The following GABBR2 variants were observed in gnomAD, a reference collection of about 807,000 sequenced individuals.
GABBR2 encodes the protein G-protein coupled receptor 51.
Under a neutral mutation model 105.6 loss-of-function variants are expected in GABBR2, and 23 were observed. The observed-to-expected ratio is 0.22, with a 90% CI of 0.16 to 0.31. GABBR2 has a LOEUF of 0.31. GABBR2 is among the 10% of genes least tolerant of loss of function. The pLI is 1.00. For missense variants in GABBR2, 734 were observed against 1,245.5 expected (o/e 0.59, Z 6.18); for synonymous variants, 478 against 499.7 (o/e 0.96, Z 0.58).
chr9:98,706,013 T>C (rs1830887208), intron 1 of GABBR2, among the ~76,000 whole-genome samples: 1 of 151,154 alleles, frequency 6.6e-6, no homozygotes, highest in South Asian at 2.1e-4. Context: ...GAGGTGGAGG[T>C]TGCGGTGAGC....
chr9:98,589,255 C>T (rs574297894), intron 1 of GABBR2, among the ~76,000 whole-genome samples: 1 of 152,320 alleles, frequency 6.6e-6, no homozygotes, highest in South Asian at 2.1e-4. Context: ...GTCAGACCCA[C>T]CGCACAGTCT....
At chr9:98,500,850 C>T (rs949173139) in intron 3 of GABBR2, among the ~76,000 whole-genome samples, 1 of 152,094 alleles carries the variant, frequency 6.6e-6, no homozygotes, top group Non-Finnish European at 1.5e-5. Context: ...TGAGAACTTG[C>T]TAAAAATGCA....
At chr9:98,397,665 G>A (rs1470936740) in intron 8 of GABBR2, among the ~76,000 whole-genome samples, 1 of 152,062 alleles carries the variant, frequency 6.6e-6, no homozygotes, top group East Asian at 1.9e-4. Flanking sequence ...CCTCCACTTG[G>A]GAGGTGGCTT....
At chr9:98,590,080 G>A (rs1177379462) in intron 1 of GABBR2, among the ~76,000 whole-genome samples, 1 of 152,134 alleles carries the variant, frequency 6.6e-6, no homozygotes, top group Non-Finnish European at 1.5e-5. Flanking sequence ...CAAAGAGTTT[G>A]GCCCCAAACA....
intron 2 of GABBR2, among the ~76,000 whole-genome samples, chr9:98,574,044 G>A (rs1588234507): frequency 6.6e-6 from 1 of 152,248 alleles, no homozygotes; most frequent in Non-Finnish European, 1.5e-5. Context: ...AAGGAGATCA[G>A]GGAAGGCATC....
At chr9:98,361,486 A>G (rs1588121889) in intron 13 of GABBR2, among the ~76,000 whole-genome samples, 2 of 152,132 alleles carry the variant, frequency 1.3e-5, no homozygotes, top group Admixed American at 1.3e-4. Context: ...TGGATTTCTA[A>G]ATTCTGGTGC....
At chr9:98,424,474 C>G (rs2131560024) in intron 7 of GABBR2, among the ~76,000 whole-genome samples, 1 of 152,282 alleles carries the variant, frequency 6.6e-6, no homozygotes, top group Admixed American at 6.5e-5. Context: ...GTTGGAAGTG[C>G]TGGCCAGGGC....
intron 3 of GABBR2, among the ~76,000 whole-genome samples, chr9:98,536,972 C>T (rs991266095): frequency 6.6e-6 from 1 of 152,210 alleles, no homozygotes; most frequent in African/African-American, 2.4e-5. Context: ...AATGGGGCTA[C>T]TTTGAGCTCA....
rs866872635 is a variant in GABBR2, at chr9:98,706,116, A to C, written c.321+2301T>G. Among the ~76,000 whole-genome samples the C allele has an allele frequency of 7.3e-3, 1,061 of 145,980 alleles. 15 individuals are homozygous for C. Among genetic ancestry groups the C allele is most frequent in the African/African-American group, 0.025 (1,002 of 40,210 alleles). On this transcript the variant is annotated intron_variant, in intron 1 of 18. Coordinates refer to ENST00000259455, the MANE Select transcript of GABBR2 (RefSeq NM_005458.8). ...AAAACAAAACAAAAAAAACAAAAAA[A>C]AAAAAAAAAAGAAGGAGGAGGAGGA...
chr9:98,467,486 C>T (rs944058411), intron 6 of GABBR2, among the ~76,000 whole-genome samples: 2 of 152,158 alleles, frequency 1.3e-5, no homozygotes, highest in African/African-American at 2.4e-5. Context: ...GAGAGAGCAG[C>T]GCTGTGAAGC....
At position 98,698,836 on chromosome 9, in the gene GABBR2, C is replaced by A. The variant is rs539064977; in HGVS notation, c.321+9581G>T. 2.6e-5 allele frequency among the ~76,000 whole-genome samples: 4 copies of A among 152,210 alleles called. No individual in the cohort carries two copies. In the South Asian group the frequency reaches 8.3e-4, roughly 32 times the overall value. On this transcript the variant is annotated intron_variant, in intron 1 of 18. Transcript: ENST00000259455. Reference sequence around the variant, plus strand: ...TTGGTTATCTAGTTTGGGGTCCAGACCTATTCTGTCACCATCAGGGAGACG... The same window carrying A: ...TTGGTTATCTAGTTTGGGGTCCAGAACTATTCTGTCACCATCAGGGAGACG...
intron 14 of GABBR2, 136 bp downstream of exon 14, chr9:98,310,959 C>T (rs1168308842): frequency 3.4e-6 from 2 of 594,294 alleles, no homozygotes; most frequent in South Asian, 2.1e-5. Context: ...TAGCATGTGG[C>T]AGGCACTGAG....
chr9:98,464,704 G>T (rs1826509267), intron 6 of GABBR2, among the ~76,000 whole-genome samples: 1 of 152,094 alleles, frequency 6.6e-6, no homozygotes. Flanking sequence ...AAAAGAAAGA[G>T]AGATCAGATT....
chr9:98,519,710 CTTTT>C (rs11386577), intron 3 of GABBR2, among the ~76,000 whole-genome samples: 6 of 142,540 alleles, frequency 4.2e-5, no homozygotes, highest in South Asian at 2.2e-4. Context: ...GAGCCGGCAA[CTTTT>C]TTTTTTTTTT....
At chr9:98,631,020 G>T (rs1829810161) in intron 1 of GABBR2, among the ~76,000 whole-genome samples, 1 of 152,134 alleles carries the variant, frequency 6.6e-6, no homozygotes, top group Non-Finnish European at 1.5e-5. Flanking sequence ...CATTATCACA[G>T]GAATTTCTAC....
At chr9:98,579,969 G>C (rs1340313588) in intron 1 of GABBR2, among the ~76,000 whole-genome samples, 1 of 152,128 alleles carries the variant, frequency 6.6e-6, no homozygotes, top group Non-Finnish European at 1.5e-5. Flanking sequence ...CTAAGTATGA[G>C]GGTAAAGGGT....
At chr9:98,476,806 A>G (rs1250332783) in intron 5 of GABBR2, among the ~76,000 whole-genome samples, 1 of 152,150 alleles carries the variant, frequency 6.6e-6, no homozygotes, top group Admixed American at 6.5e-5. Flanking sequence ...ACTATCATCA[A>G]GTTCCTCTGC....
At chr9:98,586,273 CTCTTTTCTTT>C (rs1210797429) in intron 1 of GABBR2, among the ~76,000 whole-genome samples, 6 of 149,034 alleles carry the variant, frequency 4.0e-5, no homozygotes, top group Non-Finnish European at 8.9e-5. Flanking sequence ...TTCTTTTCTT[CTCTTTTCTTT>C]CTTTTTTTTT....
intron 7 of GABBR2, 78 bp from the exon 8 acceptor site, chr9:98,406,219 C>A: frequency 1.3e-6 from 1 of 755,520 alleles, no homozygotes; most frequent in South Asian, 1.8e-5. Context: ...GATCTCACAG[C>A]AATTCATTAA....
Sources: gnomAD v4.1 joint callset for allele counts (sites outside exome capture counted in the v4.1 genomes callset) on GRCh38, gnomAD v4.1.1 for gene constraint, MANE v1.5 for transcripts, NCBI Gene and HGNC (gene_info 2026-07-23, HGNC 2026-07-21) for gene names.